IQGAP2: variants seen among roughly 807,000 people sequenced by gnomAD.
IQGAP2 encodes IQ motif containing GTPase activating protein 2.
Under a neutral mutation model 201.3 loss-of-function variants are expected in IQGAP2, and 173 were observed. The ratio of observed to expected loss-of-function variants is 0.86; its 90% confidence interval spans 0.76 to 0.98. The LOEUF (loss-of-function observed/expected upper bound fraction) is 0.98, where lower values mean the gene tolerates loss of function less well. Among genes scored for constraint, IQGAP2 ranks in the 50% least tolerant of loss-of-function variants. The pLI, the probability that IQGAP2 is intolerant of heterozygous loss-of-function variation, is 0.00. For synonymous variants in IQGAP2, 675 were observed against 673.9 expected (o/e 1.00, Z -0.03); for missense variants, 1,687 against 1,864.8 (o/e 0.90, Z 1.76).
At chr5:76,660,867 G>A (rs1743190090) in intron 21 of IQGAP2, among the ~76,000 whole-genome samples, 1 of 152,168 alleles carries the variant, frequency 6.6e-6, no homozygotes, top group African/African-American at 2.4e-5. Flanking sequence ...GAAGCCCAAA[G>A]CAATATGCAG....
chr5:76,437,677 C>G (rs941299660), intron 1 of IQGAP2, among the ~76,000 whole-genome samples: 1 of 152,168 alleles, frequency 6.6e-6, no homozygotes, highest in African/African-American at 2.4e-5. Flanking sequence ...GCTTCCAGCT[C>G]CATCCATGTC....
At chr5:76,455,769 A>G (rs1326194701) in intron 1 of IQGAP2, among the ~76,000 whole-genome samples, 1 of 152,140 alleles carries the variant, frequency 6.6e-6, no homozygotes, top group Non-Finnish European at 1.5e-5. Flanking sequence ...TTGTTGGTAA[A>G]CTTGTCTTGT....
chr5:76,699,383 T>G (rs1747053371), intron 33 of IQGAP2: 1 of 152,228 alleles, frequency 6.6e-6, no homozygotes, highest in Admixed American at 6.5e-5. Context: ...GATTCTTAGG[T>G]TGATTTCATA....
intron 17 of IQGAP2, among the ~76,000 whole-genome samples, chr5:76,643,919 T>TG (rs1751793137): frequency 1.1e-5 from 1 of 91,808 alleles, no homozygotes; most frequent in Admixed American, 1.0e-4. Flanking sequence ...TATAGATGGC[T>TG]GGATTTTTTT....
At chr5:76,568,176 C>A (rs1744880800) in intron 3 of IQGAP2, among the ~76,000 whole-genome samples, 1 of 152,154 alleles carries the variant, frequency 6.6e-6, no homozygotes, top group Admixed American at 6.5e-5. Flanking sequence ...ATTCTGAAGT[C>A]AGCATTCTCA....
intron 1 of IQGAP2, among the ~76,000 whole-genome samples, chr5:76,449,446 G>A (rs1247565954): frequency 6.6e-6 from 1 of 152,174 alleles, no homozygotes. Context: ...ATTGTAAACT[G>A]AGGTACAAAG....
In IQGAP2 at chr5:76,684,347, C is replaced by T. The variant is rs555887645; in HGVS notation, c.3905+430C>T. Among the ~76,000 whole-genome samples, 16 of 152,308 alleles carry T rather than the reference C, an allele frequency of 1.1e-4. No homozygotes were observed. The South Asian group carries it at 3.1e-3, about 30-fold the overall frequency. Reference sequence around the variant, plus strand: ...ATTATGATAGCATCTGATTTATTGGCCTTCCTTCCTGTTAAACTGATCCTG... The same window carrying T: ...ATTATGATAGCATCTGATTTATTGGTCTTCCTTCCTGTTAAACTGATCCTG... On this transcript the variant is annotated intron_variant, in intron 30 of 35. Transcript: ENST00000274364.
At chr5:76,488,123 A>G (rs1432765234) in intron 2 of IQGAP2, among the ~76,000 whole-genome samples, 1 of 152,216 alleles carries the variant, frequency 6.6e-6, no homozygotes, top group African/African-American at 2.4e-5. Context: ...ACTGGATGTA[A>G]TAATGGATAC....
At chr5:76,497,015 A>C (rs2150163783) in intron 2 of IQGAP2, among the ~76,000 whole-genome samples, 1 of 152,032 alleles carries the variant, frequency 6.6e-6, no homozygotes, top group South Asian at 2.1e-4. Flanking sequence ...TTTTTAGTAG[A>C]GACAGGGTTT....
In IQGAP2 at chr5:76,403,552, C is replaced by T; in HGVS notation, c.7C>T (p.His3Tyr). Residue 3 changes from histidine (H) to tyrosine (Y), a missense_variant, in exon 1 of 36, where the codon CAC becomes TAC. Coordinates refer to ENST00000274364, the MANE Select transcript of IQGAP2 (RefSeq NM_006633.5). This position sits in a 1 kb window ranked among gnomAD's most constrained non-coding sequence, Gnocchi z 4.8. MP[H>Y]EELPSLQRPR... Reference sequence around the variant, plus strand: ...GCCCCCGGAGACGCGCAGGATGCCACACGAAGAGCTGCCGTCGCTGCAGAG... The same window carrying T: ...GCCCCCGGAGACGCGCAGGATGCCATACGAAGAGCTGCCGTCGCTGCAGAG... 2 of 1,533,400 alleles carry T rather than the reference C, an allele frequency of 1.3e-6. No homozygotes were observed. The highest frequency in any genetic ancestry group is 1.7e-6 in the Non-Finnish European group (2 of 1,146,614). The allele number at this position is 1,533,400 out of a possible 1,614,324, so 95.0% of individuals were successfully genotyped here.
chr5:76,513,583 A>C (rs1036625872), intron 2 of IQGAP2, among the ~76,000 whole-genome samples: 5 of 152,234 alleles, frequency 3.3e-5, no homozygotes, highest in Non-Finnish European at 5.9e-5. Context: ...AGTGGAAGCT[A>C]TTGGGCCATC....
chr5:76,498,598 T>C (rs1172489125), intron 2 of IQGAP2, among the ~76,000 whole-genome samples: 1 of 152,212 alleles, frequency 6.6e-6, no homozygotes, highest in Non-Finnish European at 1.5e-5. Flanking sequence ...CTTTGTGAAA[T>C]AGGGAGACTC....
Position 76,403,590 on chromosome 5 carries a change from C to A in IQGAP2, c.45C>A (p.Gly15=). Residue 15 remains glycine (G), a splice_region_variant and synonymous_variant, in exon 1 of 36, where the codon GGC becomes GGA. Transcript: ENST00000274364. The surrounding 1 kb of genome is among the most constrained non-coding windows in gnomAD (Gnocchi z 4.8). ...ELPSLQRPRY[G]SIVDDERLSA... is the part of the protein sequence containing the mutation. The stretch of plus-strand genomic sequence containing the variant: ...CGTCGCTGCAGAGACCCCGCTATGG[C>A]TGTAAGTGCGCCGGGCGCGCGGGGT... The A allele has an allele frequency of 6.5e-7, 1 of 1,538,904 alleles. No homozygotes were observed. Among genetic ancestry groups the A allele is most frequent in the Non-Finnish European group, 8.7e-7 (1 of 1,146,820 alleles).
At chr5:76,410,917 A>G (rs1751071733) in intron 1 of IQGAP2, among the ~76,000 whole-genome samples, 1 of 152,138 alleles carries the variant, frequency 6.6e-6, no homozygotes, top group Non-Finnish European at 1.5e-5. Context: ...TAATTTTATA[A>G]TCGTGTATTG....
At chr5:76,655,201 A>G (rs1052630942) in intron 20 of IQGAP2, among the ~76,000 whole-genome samples, 198 bp downstream of exon 20, 5 of 152,152 alleles carry the variant, frequency 3.3e-5, no homozygotes, top group Non-Finnish European at 7.3e-5. Context: ...GGGCCTTCCT[A>G]TTAAATGGAA....
intron 2 of IQGAP2, among the ~76,000 whole-genome samples, chr5:76,532,158 A>C (rs1176451906): frequency 6.6e-6 from 1 of 152,216 alleles, no homozygotes; most frequent in Non-Finnish European, 1.5e-5. Context: ...AATGTTTTGT[A>C]ATCATTTTCT....
At chr5:76,423,322 A>G (rs1468371139) in intron 1 of IQGAP2, among the ~76,000 whole-genome samples, 1 of 152,164 alleles carries the variant, frequency 6.6e-6, no homozygotes, top group African/African-American at 2.4e-5. Context: ...GGTACCCGCT[A>G]TTAAAATGGT....
At chr5:76,529,629 GAATAATAATAAT>G (rs57526049) in intron 2 of IQGAP2, among the ~76,000 whole-genome samples, 54,269 of 138,854 alleles carry the variant, frequency 0.39, 10,926 homozygotes, top group Middle Eastern at 0.46. Context: ...CTCCCTCTCG[GAATAATAATAAT>G]AATAATAATA....
intron 33 of IQGAP2, chr5:76,699,233 C>G (rs1189444312): frequency 6.6e-6 from 1 of 152,150 alleles, no homozygotes; most frequent in Non-Finnish European, 1.5e-5. Context: ...CTTTCTGTGC[C>G]TGGCCTATTT....
Sources: allele counts gnomAD v4.1 joint callset (sites outside exome capture counted in the v4.1 genomes callset), GRCh38; gene constraint gnomAD v4.1.1; non-coding constraint Gnocchi (gnomAD v3.1); transcripts MANE v1.5; gene names NCBI Gene and HGNC (gene_info 2026-07-23, HGNC 2026-07-21).